The following ATP8B1 variants were observed in gnomAD, a reference collection of about 807,000 sequenced individuals.
ATP8B1 encodes ATPase phospholipid transporting 8B1.
In ATP8B1, 80 loss-of-function variants were observed where a neutral mutation model predicts 149.9. The ratio of observed to expected loss-of-function variants is 0.53; its 90% CI spans 0.45 to 0.64. The LOEUF (loss-of-function observed/expected upper bound fraction) is 0.64. Among genes scored for constraint, ATP8B1 ranks in the 30% least tolerant of loss-of-function variants. The pLI is 0.00. For missense variants in ATP8B1, 1,247 were observed against 1,552.6 expected (o/e 0.80, Z 3.31); for synonymous variants, 536 against 562.8 (o/e 0.95, Z 0.67).
intron 1 of ATP8B1, among the ~76,000 whole-genome samples, chr18:57,791,346 C>CTT (rs1473257768): frequency 0.011 from 1,415 of 124,436 alleles, 58 homozygotes; most frequent in African/African-American, 0.045. Flanking sequence ...TTTTTCTTTT[C>CTT]TTTTCTTTTT....
intron 20 of ATP8B1, among the ~76,000 whole-genome samples, chr18:57,666,152 T>C (rs1345357957): frequency 6.6e-6 from 1 of 152,064 alleles, no homozygotes; most frequent in African/African-American, 2.4e-5. Context: ...TAGGGAAAAA[T>C]CTTGAGGAAC....
rs71171056 is a variant in ATP8B1 at position 57,649,190 on chromosome 18, A to ATATCTATC, written c.3532-486_3532-479dup. Among the ~76,000 whole-genome samples the ATATCTATC allele has an allele frequency of 6.3e-3, 934 of 148,212 alleles. 5 individuals carry two copies. Among genetic ancestry groups the ATATCTATC allele is most frequent in the African/African-American group, 0.015 (605 of 40,130 alleles). On this transcript the variant is annotated intron_variant, in intron 27 of 27. Coordinates refer to ENST00000648908, the MANE Select transcript of ATP8B1 (RefSeq NM_001374385.1). ...CAGGCATGAACCACAGTGCTTGGCTATATCTATCTATCTATCTATCTATCT... is the reference window on the plus strand; with the variant it reads ...CAGGCATGAACCACAGTGCTTGGCTATATCTATCTATCTATCTATCTATCTATCTATCT...
At chr18:57,762,646 C>G (rs2080168867) in intron 1 of ATP8B1, among the ~76,000 whole-genome samples, 1 of 152,186 alleles carries the variant, frequency 6.6e-6, no homozygotes, top group Admixed American at 6.6e-5. Context: ...TGCTTATATC[C>G]CGTGATCCTC....
At chr18:57,677,600 C>T (rs181989543) in intron 15 of ATP8B1, among the ~76,000 whole-genome samples, 1 of 152,228 alleles carries the variant, frequency 6.6e-6, no homozygotes, top group East Asian at 1.9e-4. Flanking sequence ...CTTTTTAAGT[C>T]AATATTAATC....
chr18:57,695,600 C>A, intron 8 of ATP8B1, 68 bp from the exon 9 acceptor site: 1 of 1,214,150 alleles, frequency 8.2e-7, no homozygotes, highest in Non-Finnish European at 1.2e-6. Context: ...GTTAATCATC[C>A]AAAGTTACAT....
At chr18:57,765,253 T>A (rs924927147) in intron 1 of ATP8B1, among the ~76,000 whole-genome samples, 16 of 151,944 alleles carry the variant, frequency 1.1e-4, no homozygotes, top group Admixed American at 1.0e-3. Flanking sequence ...TTGCCAAAGG[T>A]TGGGAGGAAG....
chr18:57,657,432 C>G (rs1181673551), intron 22 of ATP8B1, among the ~76,000 whole-genome samples: 2 of 152,118 alleles, frequency 1.3e-5, no homozygotes, highest in African/African-American at 4.8e-5. Context: ...AGAACACAAC[C>G]TATCATTGCT....
At chr18:57,685,168 C>T (rs1178976322) in intron 13 of ATP8B1, 53 bp from the exon 14 acceptor site, 46 of 1,588,464 alleles carry the variant, frequency 2.9e-5, no homozygotes, top group Non-Finnish European at 3.7e-5. Flanking sequence ...GTCCAGAGGC[C>T]CCTCCTTACC....
In ATP8B1 at chr18:57,652,184, C is replaced by T; in HGVS notation, c.3262-12G>A. ...GTATCCAAGCCAATCTGTTGGGAAA[C>T]CAGAGAAAAACAGAGCACTCATTTT... On this transcript the variant is annotated splice_polypyrimidine_tract_variant and intron_variant, in intron 25 of 27. Coordinates refer to ENST00000648908, the MANE Select transcript of ATP8B1 (RefSeq NM_001374385.1). The T allele has an allele frequency of 6.2e-7, 1 of 1,613,936 alleles. No homozygotes were observed. Among genetic ancestry groups the T allele is most frequent in the Non-Finnish European group, 8.5e-7 (1 of 1,179,934 alleles).
chr18:57,655,602 A>T (rs1909947237), intron 22 of ATP8B1, among the ~76,000 whole-genome samples, 185 bp from the exon 23 acceptor site: 1 of 152,228 alleles, frequency 6.6e-6, no homozygotes, highest in Admixed American at 6.5e-5. Context: ...TCTGAGTTAC[A>T]AGTTGCTAAA....
chr18:57,698,068 CTT>C (rs1912913746), intron 6 of ATP8B1, among the ~76,000 whole-genome samples: 1 of 152,166 alleles, frequency 6.6e-6, no homozygotes, highest in African/African-American at 2.4e-5. Context: ...TGATGAATGA[CTT>C]TGATACATTC....
intron 22 of ATP8B1, among the ~76,000 whole-genome samples, chr18:57,658,700 C>T (rs954253389): frequency 3.3e-5 from 5 of 151,326 alleles, no homozygotes; most frequent in Non-Finnish European, 1.5e-5. Flanking sequence ...GGGTCTTGCT[C>T]TGTCACCCAG....
intron 1 of ATP8B1, among the ~76,000 whole-genome samples, chr18:57,761,944 TAAAAAAA>T (rs71171087): frequency 1.0e-5 from 1 of 98,220 alleles, no homozygotes; most frequent in Non-Finnish European, 1.9e-5. Flanking sequence ...GCAAGACTGT[TAAAAAAA>T]AAAAAAAAAA....
intron 22 of ATP8B1, among the ~76,000 whole-genome samples, chr18:57,660,604 C>T (rs570048753): frequency 1.2e-4 from 19 of 152,238 alleles, no homozygotes; most frequent in Middle Eastern, 6.8e-3. Flanking sequence ...CTGTAACCTC[C>T]GCCTCCTGGG....
chr18:57,761,244 G>A (rs2080155215), intron 1 of ATP8B1, among the ~76,000 whole-genome samples: 1 of 151,970 alleles, frequency 6.6e-6, no homozygotes, highest in East Asian at 1.9e-4. Context: ...CCCAGACTGT[G>A]TTGTTGTTGC....
chr18:57,744,680 T>C (rs1233242124), intron 1 of ATP8B1, among the ~76,000 whole-genome samples: 2 of 152,322 alleles, frequency 1.3e-5, no homozygotes, highest in East Asian at 3.9e-4. Flanking sequence ...CATGTTTAAA[T>C]AATACAAAGT....
chr18:57,706,668 A>G, intron 2 of ATP8B1, 81 bp from the exon 3 acceptor site: 2 of 1,136,250 alleles, frequency 1.8e-6, no homozygotes, highest in South Asian at 2.6e-5. Context: ...CCCAGATTCA[A>G]ATGTTGAAGT....
chr18:57,703,725 T>A (rs2938364), intron 4 of ATP8B1, among the ~76,000 whole-genome samples: 68,029 of 151,950 alleles, frequency 0.45, 15,779 homozygotes, highest in East Asian at 0.69. Flanking sequence ...CTTGCACAGC[T>A]AAACTCATGC....
intron 15 of ATP8B1, among the ~76,000 whole-genome samples, chr18:57,677,181 T>A (rs1439456312): frequency 6.6e-6 from 1 of 152,158 alleles, no homozygotes. Context: ...TGGAAAGGAA[T>A]GTAAAGGGAA....
Sources: allele counts gnomAD v4.1 joint callset (sites outside exome capture counted in the v4.1 genomes callset), GRCh38; gene constraint gnomAD v4.1.1; transcripts MANE v1.5; gene names NCBI Gene and HGNC (gene_info 2026-07-23, HGNC 2026-07-21).